The following GRIP2 variants were observed in gnomAD, a reference collection of about 807,000 sequenced individuals.
GRIP2 encodes the protein glutamate receptor interacting protein 2, also known as glutamate receptor-interacting protein 2.
Under a neutral mutation model 108.3 loss-of-function variants are expected in GRIP2, and 58 were observed. The observed-to-expected ratio is 0.54, with a 90% CI of 0.43 to 0.67. The LOEUF is 0.67. Among genes scored for constraint, GRIP2 ranks in the 30% least tolerant of loss-of-function variants. The pLI, the probability that GRIP2 is intolerant of heterozygous loss-of-function variation, is 0.00. For missense variants in GRIP2, 1,278 were observed against 1,430.6 expected (o/e 0.89, Z 1.72); for synonymous variants, 586 against 598.2 (o/e 0.98, Z 0.30).
At chr3:14,549,129 A>C (rs1695103094) in intron 1 of GRIP2, among the ~76,000 whole-genome samples, 1 of 152,252 alleles carries the variant, frequency 6.6e-6, no homozygotes, top group Non-Finnish European at 1.5e-5. Context: ...TAAGTGCTAC[A>C]CAAGTGTTTG....
chr3:14,548,325 G>A (rs1695088799), intron 1 of GRIP2, among the ~76,000 whole-genome samples: 1 of 151,902 alleles, frequency 6.6e-6, no homozygotes, highest in Non-Finnish European at 1.5e-5. Context: ...CCATGTGGAT[G>A]ACATTTAGGA....
In GRIP2 at chr3:14,490,996, G is replaced by C. The variant is rs1006767744; in HGVS notation, c.*2669C>G. 6.6e-6 allele frequency: 1 copy of C among 152,240 alleles called. No homozygotes were observed. The highest frequency in any genetic ancestry group is 2.4e-5 in the African/African-American group (1 of 41,454). The allele number at this position is 152,240 out of a possible 1,614,324, so 9.4% of individuals were successfully genotyped here. On this transcript the variant is annotated 3_prime_UTR_variant, in exon 24 of 24. Transcript: ENST00000621039. Reference sequence around the variant, plus strand: ...TGTCTGCCTGCCACCAGAATGTGCAGACATGACCTAAATCTGTCTGATTCA... The same window carrying C: ...TGTCTGCCTGCCACCAGAATGTGCACACATGACCTAAATCTGTCTGATTCA...
intron 22 of GRIP2, among the ~76,000 whole-genome samples, 156 bp from the exon 23 acceptor site, chr3:14,495,145 A>C (rs1031558993): frequency 4.1e-5 from 4 of 96,622 alleles, no homozygotes; most frequent in South Asian, 3.3e-4. Context: ...GCCTTCAGCC[A>C]CCCCCGCCAC....
Position 14,514,351 on chromosome 3 carries a change from G to A in GRIP2, c.1434C>T (p.Thr478=), listed in dbSNP as rs750487270. Residue 478 remains threonine (T), a synonymous_variant, in exon 12 of 24, where the codon ACC becomes ACT. Transcript: ENST00000621039. ...CGAGGGGTGGGGAGGACAGGGTCTCGGTGGCGAAGATGCCGCCCTGGAGCT... is the reference window on the plus strand; with the variant it reads ...CGAGGGGTGGGGAGGACAGGGTCTCAGTGGCGAAGATGCCGCCCTGGAGCT... ...GLQLQGGIFA[T]ETLSSPPLVC... 5.1e-6 allele frequency: 8 copies of A among 1,577,796 alleles called. No homozygotes were observed. Among genetic ancestry groups the A allele is most frequent in the East Asian group, 4.7e-5 (2 of 42,912 alleles).
chr3:14,493,670 G>T lies in GRIP2; in HGVS notation c.3127C>A (p.Leu1043Ile). Residue 1043 changes from leucine (L) to isoleucine (I), a missense_variant, in exon 24 of 24, where the codon CTC (leucine) becomes ATC (isoleucine). Coordinates refer to ENST00000621039, the MANE Select transcript of GRIP2 (RefSeq NM_001080423.4). ...RSPGPSSPRM[L>I] ...GTTCGGCCCACATGCTGACTTCAGA[G>T]CATCCGGGGACTGCTGGGGCCTGGC... The T allele has an allele frequency of 1.3e-6, 2 of 1,599,754 alleles. No individual in the cohort carries two copies. Among genetic ancestry groups the T allele is most frequent in the South Asian group, 1.1e-5 (1 of 88,800 alleles).
In GRIP2 at chr3:14,493,180, G is replaced by A. The variant is rs1372210847; in HGVS notation, c.*485C>T. The A allele has an allele frequency of 6.5e-6, 1 of 154,750 alleles. No individual in the cohort carries two copies. Among genetic ancestry groups the A allele is most frequent in the Admixed American group, 6.5e-5 (1 of 15,382 alleles). The allele number at this position is 154,750 out of a possible 1,614,324, so 9.6% of individuals were successfully genotyped here. On this transcript the variant is annotated 3_prime_UTR_variant, in exon 24 of 24. Coordinates refer to ENST00000621039, the MANE Select transcript of GRIP2 (RefSeq NM_001080423.4). ...CCAAGCGCGTGTGCACGCATCATGGGAATGCCTCATACCCCAATGCATGAC... is the reference window on the plus strand; with the variant it reads ...CCAAGCGCGTGTGCACGCATCATGGAAATGCCTCATACCCCAATGCATGAC...
chr3:14,491,080 T>C lies in GRIP2; in HGVS notation c.*2585A>G, dbSNP rs1275116639. On this transcript the variant is annotated 3_prime_UTR_variant, in exon 24 of 24. Coordinates refer to ENST00000621039, the MANE Select transcript of GRIP2 (RefSeq NM_001080423.4). ...GCAAACTTTTTGAATTAATGAATCA[T>C]CAAAAGCAGGTGAGATGTCACCAGA... The C allele has an allele frequency of 6.6e-6, 1 of 152,216 alleles. No individual in the cohort carries two copies. The highest frequency in any genetic ancestry group is 6.5e-5 in the Admixed American group (1 of 15,282). The allele number at this position is 152,216 out of a possible 1,614,324, so 9.4% of individuals were successfully genotyped here. A position where few individuals can be genotyped will look rare whatever the true frequency, so the allele number is the denominator to read the frequency against.
intron 1 of GRIP2, among the ~76,000 whole-genome samples, chr3:14,550,211 C>A: frequency 6.6e-6 from 1 of 152,214 alleles, no homozygotes; most frequent in African/African-American, 2.4e-5. Flanking sequence ...CCATTCCCAG[C>A]ACCAAGTAGC....
intron 1 of GRIP2, among the ~76,000 whole-genome samples, chr3:14,539,131 C>CAAGT (rs1332796993): frequency 6.6e-6 from 1 of 152,244 alleles, no homozygotes; most frequent in Non-Finnish European, 1.5e-5. Flanking sequence ...TAACCCTGAA[C>CAAGT]AAGTCACTTA....
chr3:14,564,542 T>C, the GRIP2 span, among the ~76,000 whole-genome samples: 4 of 152,328 alleles, frequency 2.6e-5, no homozygotes, highest in South Asian at 8.3e-4. Flanking sequence ...TCAGTAAGTA[T>C]AGTATCACAC....
chr3:14,505,906 C>CCACCGAG lies in GRIP2; in HGVS notation c.2399-118_2399-117insCTCGGTG. 1 of 880,952 alleles carries CCACCGAG rather than the reference C, an allele frequency of 1.1e-6. No individual in the cohort carries two copies. The highest frequency in any genetic ancestry group is 1.6e-6 in the Non-Finnish European group (1 of 614,576). The allele number at this position is 880,952 out of a possible 1,614,324, so 54.6% of individuals were successfully genotyped here. A position where few individuals can be genotyped will look rare whatever the true frequency, so the allele number is the denominator to read the frequency against. Reference sequence around the variant, plus strand: ...AGGTCGTTGCTCCTCTCTGGGCCTGCATCTACACAGCCCTCTGAGGGCCTC... The same window carrying CCACCGAG: ...AGGTCGTTGCTCCTCTCTGGGCCTGCCACCGAGATCTACACAGCCCTCTGAGGGCCTC... On this transcript the variant is annotated intron_variant, in intron 19 of 23. Transcript: ENST00000621039. This position sits in a 1 kb window ranked among gnomAD's most constrained non-coding sequence, Gnocchi z 4.2.
chr3:14,586,179 C>T, the GRIP2 span, among the ~76,000 whole-genome samples: 1 of 152,198 alleles, frequency 6.6e-6, no homozygotes, highest in African/African-American at 2.4e-5. Flanking sequence ...CAAATGTCAC[C>T]TCCTCTAGAA....
In GRIP2 at chr3:14,540,183, T is replaced by C; in HGVS notation, c.40+86A>G. 6.6e-7 allele frequency: 1 copy of C among 1,512,690 alleles called. No individual in the cohort carries two copies. The highest frequency in any genetic ancestry group is 9.0e-7 in the Non-Finnish European group (1 of 1,112,670). The allele number at this position is 1,512,690 out of a possible 1,614,324, so 93.7% of individuals were successfully genotyped here. On this transcript the variant is annotated intron_variant, in intron 1 of 23. Coordinates refer to ENST00000621039, the MANE Select transcript of GRIP2 (RefSeq NM_001080423.4). This position sits in a 1 kb window ranked among gnomAD's most constrained non-coding sequence, Gnocchi z 4.1. ...GAGTGGCAGTCCCAGGTCTCAGCCA[T>C]CCAGTCCCCTCTCTCTGGGCAGCAG...
At chr3:14,538,649 GGGA>G (rs1694890342) in intron 1 of GRIP2, among the ~76,000 whole-genome samples, 1 of 152,222 alleles carries the variant, frequency 6.6e-6, no homozygotes, top group South Asian at 2.1e-4. Context: ...CTGTGACCTG[GGGA>G]GGAGACCTAG....
upstream of GRIP2, chr3:14,541,753 A>C: frequency 1.7e-6 from 1 of 597,280 alleles, no homozygotes; most frequent in Non-Finnish European, 2.8e-6. Context: ...CTTGACCAGC[A>C]GTGATGCCAA....
At chr3:14,565,513 C>A in the GRIP2 span, among the ~76,000 whole-genome samples, 6 of 152,150 alleles carry the variant, frequency 3.9e-5, 1 homozygote, top group Non-Finnish European at 8.8e-5. Flanking sequence ...ACCCGCACAG[C>A]TGGGCAGGAC....
upstream of GRIP2, among the ~76,000 whole-genome samples, chr3:14,558,467 G>A (rs1695269455): frequency 6.6e-6 from 1 of 152,200 alleles, no homozygotes; most frequent in South Asian, 2.1e-4. Context: ...CCTTTGGTAG[G>A]AAGAGAAATG....
At chr3:14,528,288 G>A (rs1429825948) in intron 1 of GRIP2, among the ~76,000 whole-genome samples, 1 of 152,208 alleles carries the variant, frequency 6.6e-6, no homozygotes, top group Non-Finnish European at 1.5e-5. Context: ...GGATATACCA[G>A]TTTGTTTAGC....
intron 1 of GRIP2, among the ~76,000 whole-genome samples, chr3:14,554,450 G>C (rs561090691): frequency 6.6e-6 from 1 of 152,088 alleles, no homozygotes; most frequent in Admixed American, 6.5e-5. Context: ...AGCCTCAATG[G>C]GGGAGGGAGT....
Sources: allele counts gnomAD v4.1 joint callset (sites outside exome capture counted in the v4.1 genomes callset), GRCh38; gene constraint gnomAD v4.1.1; non-coding constraint Gnocchi (gnomAD v3.1); transcripts MANE v1.5; gene names NCBI Gene and HGNC (gene_info 2026-07-23, HGNC 2026-07-21).